The following PGPEP1 variants were observed in gnomAD, a reference collection of about 807,000 sequenced individuals.
PGPEP1 encodes pyroglutamyl-peptidase 1.
In PGPEP1, 15 loss-of-function variants were observed where a neutral mutation model predicts 24.1. The ratio of observed to expected loss-of-function variants is 0.62; its 90% confidence interval spans 0.42 to 0.96. The LOEUF (loss-of-function observed/expected upper bound fraction) is 0.96. Among genes scored for constraint, PGPEP1 ranks in the 40% least tolerant of loss-of-function variants. The pLI, the probability that PGPEP1 is intolerant of heterozygous loss-of-function variation, is 0.00. For missense variants in PGPEP1, 242 were observed against 273.4 expected, an observed-to-expected ratio of 0.89 and a Z score of 0.81; for synonymous variants, 122 against 116.4, an observed-to-expected ratio of 1.05 and a Z score of -0.31.
intron 4 of PGPEP1, 47 bp downstream of exon 4, chr19:18,357,662 C>T: frequency 7.4e-7 from 1 of 1,357,770 alleles, no homozygotes; most frequent in Non-Finnish European, 1.0e-6. Context: ...CCTCCTCCAC[C>T]CACTGAGCCT....
intron 2 of PGPEP1, among the ~76,000 whole-genome samples, chr19:18,354,402 G>A (rs2144558652): frequency 6.6e-6 from 1 of 152,202 alleles, no homozygotes; most frequent in South Asian, 2.1e-4. Context: ...GGCTGAGGCA[G>A]GAGAATGGCA....
chr19:18,364,523 AG>A lies in PGPEP1; in HGVS notation c.*941del, dbSNP rs1266432131. ...CAGCTACTCGGGAGGCTGAGGCTGG[AG>A]AATCGCTTGAACTTGGGAGGCAGAG... On this transcript the variant is annotated 3_prime_UTR_variant, in exon 5 of 5. Coordinates refer to ENST00000269919, the MANE Select transcript of PGPEP1 (RefSeq NM_017712.4). The A allele has an allele frequency of 6.6e-6, 1 of 152,328 alleles. No individual in the cohort carries two copies. Among genetic ancestry groups the A allele is most frequent in the Non-Finnish European group, 1.5e-5 (1 of 68,138 alleles). 9.4% of individuals were successfully genotyped at this position (152,328 alleles called of 1,614,324 possible). A position where few individuals can be genotyped will look rare whatever the true frequency, so the allele number is the denominator to read the frequency against.
At chr19:18,362,778 G>A (rs914169194) in intron 4 of PGPEP1, among the ~76,000 whole-genome samples, 1 of 149,498 alleles carries the variant, frequency 6.7e-6, no homozygotes, top group Admixed American at 6.7e-5. Flanking sequence ...TGTAGTCCCA[G>A]CTACTCAGGA....
In PGPEP1 at chr19:18,357,410, A is replaced by C. The variant is rs764288473; in HGVS notation, c.232A>C (p.Met78Leu). The C allele has an allele frequency of 6.2e-7, 1 of 1,613,930 alleles. No individual in the cohort carries two copies. The highest frequency in any genetic ancestry group is 1.7e-5 in the Admixed American group (1 of 59,986). ...GGTGGTGCATGTGGGGGTGTCAGGC[A>C]TGGCGACCACAGTCACACTGGAGAA... ...QLVVHVGVSG[M>L]ATTVTLEKCG... Residue 78 changes from methionine to leucine, a missense_variant, in exon 4 of 5, where the codon ATG becomes CTG. Physicochemically the swap from Met to Leu is conservative, Grantham distance 15. Transcript: ENST00000269919.
At chr19:18,340,797 G>C (rs544904714) in intron 1 of PGPEP1, 82 bp downstream of exon 1, 1 of 1,050,988 alleles carries the variant, frequency 9.5e-7, no homozygotes, top group Admixed American at 3.7e-5. Flanking sequence ...GCCGAGAGGG[G>C]CAGGTGCTGG....
At chr19:18,352,291 G>T (rs1382013519) in intron 2 of PGPEP1, among the ~76,000 whole-genome samples, 2 of 71,166 alleles carry the variant, frequency 2.8e-5, no homozygotes, top group Non-Finnish European at 6.4e-5. Context: ...AAAAAAATTA[G>T]TTGGGTGTTT....
At chr19:18,349,273 C>T (rs1247711260) in intron 2 of PGPEP1, among the ~76,000 whole-genome samples, 2 of 152,152 alleles carry the variant, frequency 1.3e-5, no homozygotes, top group East Asian at 3.8e-4. Flanking sequence ...CCTCCACCTC[C>T]CGGGTTCAAG....
rs771884829 is a variant in PGPEP1 at position 18,340,678 on chromosome 19, C to T, written c.-4C>T. 6.5e-7 allele frequency: 1 copy of T among 1,542,716 alleles called. No individual in the cohort carries two copies. Among genetic ancestry groups the T allele is most frequent in the South Asian group, 1.2e-5 (1 of 84,134 alleles). ...GCAGGTCCGAGGCACAGCCCGATCC[C>T]GCCATGGAGCAGCCGAGGAAGGCGG... On this transcript the variant is annotated 5_prime_UTR_variant, in exon 1 of 5. Coordinates refer to ENST00000269919, the MANE Select transcript of PGPEP1 (RefSeq NM_017712.4).
chr19:18,342,738 T>A (rs950243722), intron 1 of PGPEP1, 121 bp from the exon 2 acceptor site: 8 of 753,232 alleles, frequency 1.1e-5, no homozygotes, highest in South Asian at 1.6e-5. Context: ...CCCAATGTTG[T>A]CCTTGGCAGC....
chr19:18,350,821 A>G (rs919449820), intron 2 of PGPEP1, among the ~76,000 whole-genome samples: 9 of 152,298 alleles, frequency 5.9e-5, no homozygotes, highest in African/African-American at 1.9e-4. Flanking sequence ...GCACTTTGGG[A>G]GGCCGAGGTA....
intron 2 of PGPEP1, among the ~76,000 whole-genome samples, chr19:18,343,351 C>T (rs755241584): frequency 8.5e-5 from 13 of 152,142 alleles, no homozygotes; most frequent in East Asian, 7.7e-4. Flanking sequence ...TGGTAACCAC[C>T]GGAGCACACA....
chr19:18,344,584 G>A (rs1007348762), intron 2 of PGPEP1, among the ~76,000 whole-genome samples: 3 of 113,394 alleles, frequency 2.6e-5, no homozygotes, highest in African/African-American at 8.5e-5. Flanking sequence ...AGTTTTGGCT[G>A]TTTCCCTTTT....
chr19:18,356,961 C>G (rs898267571), intron 3 of PGPEP1, among the ~76,000 whole-genome samples: 1 of 150,038 alleles, frequency 6.7e-6, no homozygotes. Flanking sequence ...TCGCTGGAAC[C>G]CAGGAAGGGG....
chr19:18,342,218 G>C (rs1970691293), intron 1 of PGPEP1, among the ~76,000 whole-genome samples: 2 of 152,098 alleles, frequency 1.3e-5, no homozygotes, highest in African/African-American at 4.8e-5. Context: ...CCCAGATCTG[G>C]ATTTGAATCC....
In PGPEP1 at chr19:18,363,928, T is replaced by C. The variant is rs1285153204; in HGVS notation, c.*345T>C. Reference sequence around the variant, plus strand: ...CGGCTGGGGCCATATGTTCACCTGCTTTCCTGTCCGTTGGTGAAGGAATTT... The same window carrying C: ...CGGCTGGGGCCATATGTTCACCTGCCTTCCTGTCCGTTGGTGAAGGAATTT... On this transcript the variant is annotated 3_prime_UTR_variant, in exon 5 of 5. Transcript: ENST00000269919. 1 of 213,672 alleles carries C rather than the reference T, an allele frequency of 4.7e-6. No homozygotes were observed. Among genetic ancestry groups the C allele is most frequent in the African/African-American group, 2.3e-5 (1 of 43,908 alleles). 13.2% of individuals were successfully genotyped at this position (213,672 alleles called of 1,614,324 possible). A position where few individuals can be genotyped will look rare whatever the true frequency, so the allele number is the denominator to read the frequency against.
chr19:18,348,027 G>A (rs1970906099), intron 2 of PGPEP1, among the ~76,000 whole-genome samples: 1 of 151,060 alleles, frequency 6.6e-6, no homozygotes, highest in South Asian at 2.1e-4. Context: ...TGTTCAGGAG[G>A]TGGGAGTTGG....
At chr19:18,346,038 G>C (rs897021875) in intron 2 of PGPEP1, among the ~76,000 whole-genome samples, 10 of 149,480 alleles carry the variant, frequency 6.7e-5, no homozygotes, top group Admixed American at 5.3e-4. Flanking sequence ...GCCAGGTCAA[G>C]ATCTCGAACA....
chr19:18,357,449 A>C lies in PGPEP1; in HGVS notation c.271A>C (p.Lys91Gln). Residue 91 changes from lysine to glutamine, a missense_variant, in exon 4 of 5, where the codon AAG becomes CAG. Physicochemically the swap from Lys to Gln is moderately conservative, Grantham distance 53. Coordinates refer to ENST00000269919, the MANE Select transcript of PGPEP1 (RefSeq NM_017712.4). ...TVTLEKCGHN[K>Q]GYKGLDNCRF... ...CACACTGGAGAAATGTGGACACAAC[A>C]AGGGCTACAAGGGGCTGGACAACTG... 6.2e-7 allele frequency: 1 copy of C among 1,614,076 alleles called. No individual in the cohort carries two copies. The highest frequency in any genetic ancestry group is 1.7e-5 in the Admixed American group (1 of 59,986).
At chr19:18,355,160 G>A (rs1477292151) in intron 2 of PGPEP1, among the ~76,000 whole-genome samples, 1 of 151,572 alleles carries the variant, frequency 6.6e-6, no homozygotes, top group African/African-American at 2.4e-5. Context: ...TAGTAGAGAT[G>A]GGGTTTCACT....
Sources: allele counts gnomAD v4.1 joint callset (sites outside exome capture counted in the v4.1 genomes callset), GRCh38; gene constraint gnomAD v4.1.1; transcripts MANE v1.5; gene names NCBI Gene and HGNC (gene_info 2026-07-23, HGNC 2026-07-21).